Variants in FGF13 observed in about 807,000 individuals in gnomAD.
The protein encoded by FGF13 is fibroblast growth factor homologous factor 2.
In FGF13, 2 loss-of-function variants were observed where a neutral mutation model predicts 19.5. The ratio of observed to expected loss-of-function variants is 0.10; its 90% confidence interval spans 0.04 to 0.32. FGF13 has a LOEUF of 0.32. Among genes scored for constraint, FGF13 ranks in the 10% least tolerant of loss-of-function variants. The pLI is 1.00. For synonymous variants in FGF13, 72 were observed against 76.9 expected (o/e 0.94, Z 0.33); for missense variants, 113 against 192.7 (o/e 0.59, Z 2.45).
At chrX:138,862,974 T>C (rs781463620) in intron 2 of FGF13, among the ~76,000 whole-genome samples, 1 of 110,463 alleles carries the variant, frequency 9.1e-6, no homozygotes, top group Non-Finnish European at 1.9e-5. Context: ...CCTCCTCAAT[T>C]TTATTATATG....
chrX:139,013,479 T>TTATATA lies in FGF13; in HGVS notation c.-112-148835_-112-148830dup, dbSNP rs202184653. ...AATCAATGAATGGATAAAGAAAATT[T>TTATATA]TATATATATATATATATATATATAT... On this transcript the variant is annotated intron_variant, in intron 1 of 2. Coordinates refer to the FGF13 transcript ENST00000421460. Among the ~76,000 whole-genome samples, 341 of 70,890 alleles carry TTATATA rather than the reference T, an allele frequency of 4.8e-3. 2 individuals carry two copies. The highest frequency in any genetic ancestry group is 8.0e-3 in the African/African-American group (131 of 16,470). The allele number at this position is 70,890 out of a possible 115,157, so 61.6% of individuals were successfully genotyped here. A position where few individuals can be genotyped will look rare whatever the true frequency, so the allele number is the denominator to read the frequency against.
Position 138,616,332 on chromosome X carries a change from C to G in FGF13, c.*16518G>C. On this transcript the variant is annotated 3_prime_UTR_variant, in exon 5 of 5. Transcript: ENST00000315930. ...AAAACAAAGGGGCTATAGGCCCATG[C>G]AAGTCCAAAATCCAATAGGGCAGTC... The G allele has an allele frequency of 8.9e-6, 1 of 112,630 alleles. No individual in the cohort carries two copies. 9.3% of individuals were successfully genotyped at this position (112,630 alleles called of 1,213,427 possible).
chrX:138,781,412 A>G (rs2090641209), intron 3 of FGF13, among the ~76,000 whole-genome samples: 1 of 110,839 alleles, frequency 9.0e-6, no homozygotes, highest in South Asian at 3.8e-4. Context: ...AAATTGATAG[A>G]CCACTAGCAA....
intron 3 of FGF13, among the ~76,000 whole-genome samples, chrX:138,753,217 C>T (rs1029103838): frequency 3.6e-5 from 4 of 111,989 alleles, no homozygotes; most frequent in Non-Finnish European, 3.8e-5. Context: ...TTTGTCATTT[C>T]CAAGAGCTAA....
At chrX:138,808,940 G>C (rs1415087156) in intron 3 of FGF13, among the ~76,000 whole-genome samples, 1 of 111,730 alleles carries the variant, frequency 9.0e-6, no homozygotes, top group Non-Finnish European at 1.9e-5. Flanking sequence ...CTCTGAAATT[G>C]AGGCAATAAT....
intron 1 of FGF13, among the ~76,000 whole-genome samples, chrX:139,189,323 A>G (rs1268910741): frequency 3.7e-5 from 4 of 109,230 alleles, no homozygotes; most frequent in Admixed American, 2.9e-4. Flanking sequence ...CATCAATTGA[A>G]AAAAGATCTA....
intron 1 of FGF13, among the ~76,000 whole-genome samples, chrX:139,165,884 T>C (rs763487602): frequency 8.9e-6 from 1 of 111,878 alleles, no homozygotes; most frequent in Non-Finnish European, 1.9e-5. Context: ...GGCCATTTTC[T>C]CCCATTTGGA....
rs1230891735 is a variant in FGF13, at chrX:138,797,127, G to A, written c.217+60385C>T. ...TTGATGTTTTAGTCATGAAGTCTTTGCCCATGCCTGTGTCCTGAATGGTAT... is the reference window on the plus strand; with the variant it reads ...TTGATGTTTTAGTCATGAAGTCTTTACCCATGCCTGTGTCCTGAATGGTAT... On this transcript the variant is annotated intron_variant, in intron 3 of 6. Coordinates refer to the FGF13 transcript ENST00000436198. Among the ~76,000 whole-genome samples the A allele has an allele frequency of 2.7e-5, 3 of 111,736 alleles. No homozygotes were observed. The Admixed American group carries it at 2.9e-4, about 11-fold the overall frequency.
chrX:139,023,927 T>C (rs1466051395), intron 1 of FGF13, among the ~76,000 whole-genome samples: 5 of 111,755 alleles, frequency 4.5e-5, no homozygotes, highest in African/African-American at 1.6e-4. Context: ...TATTTTACAA[T>C]GCATATATCT....
Position 138,687,752 on chromosome X carries a change from G to A in FGF13, c.402+15232C>T, listed in dbSNP as rs946135720. ...TAGCCGTGATATGGAATCAACCTAA[G>A]TGTCCATCAACAAATGAACGAATAA... On this transcript the variant is annotated intron_variant, in intron 3 of 4. Transcript: ENST00000315930. Among the ~76,000 whole-genome samples, 4 of 111,578 alleles carry A rather than the reference G, an allele frequency of 3.6e-5. No homozygotes were observed. The East Asian group carries it at 1.1e-3, about 31-fold the overall frequency.
rs1415826386 is a variant in FGF13 at position 138,919,246 on chromosome X, T to A, written c.-112-54596A>T. On this transcript the variant is annotated intron_variant, in intron 1 of 2. Transcript: ENST00000421460. ...TAGTGCTAATAATTTAAAAAAGAAC[T>A]CTAACAAATCAGCAAGAAAGAGGCC... is the stretch of plus-strand genomic sequence containing the variant. 3.6e-5 allele frequency among the ~76,000 whole-genome samples: 4 copies of A among 111,177 alleles called. No homozygotes were observed. In the Admixed American group the frequency reaches 3.8e-4, roughly 11 times the overall value.
intron 1 of FGF13, among the ~76,000 whole-genome samples, chrX:138,727,679 A>C (rs2090195903): frequency 9.0e-6 from 1 of 111,621 alleles, no homozygotes; most frequent in Middle Eastern, 4.6e-3. Flanking sequence ...TACTAAGAAA[A>C]TATACCTAGG....
intron 3 of FGF13, among the ~76,000 whole-genome samples, chrX:138,805,640 T>A (rs2090860870): frequency 8.9e-6 from 1 of 111,869 alleles, no homozygotes; most frequent in Non-Finnish European, 1.9e-5. Flanking sequence ...ATTCTGTAAA[T>A]TTTAGGATAT....
chrX:139,126,724 A>G, intron 1 of FGF13, among the ~76,000 whole-genome samples: 1 of 111,756 alleles, frequency 8.9e-6, no homozygotes, highest in Middle Eastern at 4.6e-3. Context: ...TGGCTGAAGA[A>G]AGTCAGCAGG....
intron 1 of FGF13, among the ~76,000 whole-genome samples, chrX:139,188,674 TCC>T (rs1364313659): frequency 8.9e-6 from 1 of 112,162 alleles, no homozygotes; most frequent in Admixed American, 9.5e-5. Context: ...CAAATGTTTC[TCC>T]CACTGCCCAA....
chrX:138,752,066 A>G (rs2124318343), intron 3 of FGF13, among the ~76,000 whole-genome samples: 1 of 111,903 alleles, frequency 8.9e-6, no homozygotes, highest in Non-Finnish European at 1.9e-5. Context: ...AGCACCTATG[A>G]TGGACTACAT....
At chrX:139,187,256 T>C (rs910090419) in intron 1 of FGF13, among the ~76,000 whole-genome samples, 2 of 112,830 alleles carry the variant, frequency 1.8e-5, no homozygotes, top group African/African-American at 6.4e-5. Context: ...ATGAGTGATA[T>C]AGTTGGAAGT....
intron 1 of FGF13, among the ~76,000 whole-genome samples, chrX:138,924,186 G>C (rs1270840030): frequency 8.9e-6 from 1 of 111,925 alleles, no homozygotes; most frequent in African/African-American, 3.3e-5. Context: ...CTCACATATG[G>C]GATGTCCAAG....
rs771525339 is a variant in FGF13 at position 138,860,904 on chromosome X, C to T, written c.-38-3225G>A. ...AACACAGCCCTCCCATTCAGGACTC[C>T]GAAGTCTCACAGGAGTAGTGCAGAG... is the stretch of plus-strand genomic sequence containing the variant. On this transcript the variant is annotated intron_variant, in intron 2 of 2. Coordinates refer to the FGF13 transcript ENST00000421460. 3.6e-5 allele frequency among the ~76,000 whole-genome samples: 4 copies of T among 112,102 alleles called. No homozygotes were observed. The South Asian group carries it at 1.1e-3, about 31-fold the overall frequency.
Sources: allele counts gnomAD v4.1 joint callset (sites outside exome capture counted in the v4.1 genomes callset), GRCh38; gene constraint gnomAD v4.1.1; transcripts MANE v1.5; gene names NCBI Gene and HGNC (gene_info 2026-07-23, HGNC 2026-07-21).